SIX1: variants seen among roughly 807,000 people sequenced by gnomAD.
SIX1 encodes homeobox protein SIX1.
In SIX1, 11 loss-of-function variants were observed where a neutral mutation model predicts 26.5. That is an observed-to-expected ratio of 0.41 (90% CI 0.26 to 0.69). The LOEUF (loss-of-function observed/expected upper bound fraction) is 0.69, where lower values mean the gene tolerates loss of function less well. Ranked by LOEUF, SIX1 falls within the 30% of genes least tolerant of loss-of-function variation. The probability of loss-of-function intolerance (pLI) is 0.28; values close to 1 mark genes in which losing one functional copy is unlikely to be tolerated. For missense variants in SIX1, 333 were observed against 365.9 expected, an observed-to-expected ratio of 0.91 and a Z score of 0.73; for synonymous variants, 177 against 166.2, an observed-to-expected ratio of 1.06 and a Z score of -0.50.
In SIX1 at chr14:60,649,235, A is replaced by G. The variant is rs1415843629; in HGVS notation, c.-46T>C. 3 of 1,569,428 alleles carry G rather than the reference A, an allele frequency of 1.9e-6. No homozygotes were observed. The African/African-American group carries it at 4.1e-5, about 21-fold the overall frequency. On this transcript the variant is annotated 5_prime_UTR_variant, in exon 1 of 2. Transcript: ENST00000645694. The surrounding 1 kb of genome is among the most constrained non-coding windows in gnomAD (Gnocchi z 5.1). Reference sequence around the variant, plus strand: ...CACGGCCCAGGCGCACGCGGCAGGGAGCAGAGCCGAGAGGCAGGGGGCGGC... The same window carrying G: ...CACGGCCCAGGCGCACGCGGCAGGGGGCAGAGCCGAGAGGCAGGGGGCGGC...
Position 60,648,768 on chromosome 14 carries a change from T to C in SIX1, c.422A>G (p.Glu141Gly), listed in dbSNP as rs776744679. ...FKEKSRGVLR[E>G]WYAHNPYPSP... ...TGGGTAGGGATTGTGCGCGTACCACTCCCGCAGGACACCCCTCGACTTCTC... is the reference window on the plus strand; with the variant it reads ...TGGGTAGGGATTGTGCGCGTACCACCCCCGCAGGACACCCCTCGACTTCTC... Residue 141 changes from glutamate (E) to glycine (G), a missense_variant, in exon 1 of 2, where the codon GAG becomes GGG. Coordinates refer to ENST00000645694, the MANE Select transcript of SIX1 (RefSeq NM_005982.4). The surrounding 1 kb of genome is among the most constrained non-coding windows in gnomAD (Gnocchi z 7.9). 7 of 1,613,988 alleles carry C rather than the reference T, an allele frequency of 4.3e-6. No individual in the cohort carries two copies. The Admixed American group carries it at 1.2e-4, about 27-fold the overall frequency.
In SIX1 at chr14:60,643,909, G is replaced by A. The variant is rs7156375; in HGVS notation, c.*2374C>T. On this transcript the variant is annotated 3_prime_UTR_variant, in exon 2 of 2. Coordinates refer to ENST00000645694, the MANE Select transcript of SIX1 (RefSeq NM_005982.4). Reference sequence around the variant, plus strand: ...GCAGTAATCACGGGGGCTTTTACAGGACCAGCGCTCTTGCTCCTCGCCGGA... The same window carrying A: ...GCAGTAATCACGGGGGCTTTTACAGAACCAGCGCTCTTGCTCCTCGCCGGA... 126,448 of 151,960 alleles carry A rather than the reference G, an allele frequency of 0.83. 53,683 individuals are homozygous for A. Among genetic ancestry groups the A allele is most frequent in the Non-Finnish European group, 0.91 (61,808 of 67,946 alleles). 9.4% of individuals were successfully genotyped at this position (151,960 alleles called of 1,614,324 possible). A position where few individuals can be genotyped will look rare whatever the true frequency, so the allele number is the denominator to read the frequency against.
Position 60,646,441 on chromosome 14 carries a change from G to T in SIX1, c.697C>A (p.Leu233Met), listed in dbSNP as rs781362403. 8 of 1,614,074 alleles carry T rather than the reference G, an allele frequency of 5.0e-6. No homozygotes were observed. The Admixed American group carries it at 1.3e-4, about 27-fold the overall frequency. ...GCGTGGCCCATATTGCCCTGCAGCA[G>T]AAGGACCGAGTTCTGGTCTGGACTT... ...PQSPDQNSVL[L>M]LQGNMGHARS... The change falls in exon 2 of 2, where the codon CTG becomes ATG. Residue 233 changes from leucine (L) to methionine (M), a missense_variant. Leu to Met is a conservative substitution (Grantham distance 15). This residue lies in a region of SIX1 where 199 missense variants were observed against 215.2 expected (regional missense o/e 0.92). Transcript: ENST00000645694.
chr14:60,644,769 A>T lies in SIX1; in HGVS notation c.*1514T>A, dbSNP rs1894911681. 1 of 152,226 alleles carries T rather than the reference A, an allele frequency of 6.6e-6. No homozygotes were observed. Among genetic ancestry groups the T allele is most frequent in the Non-Finnish European group, 1.5e-5 (1 of 68,038 alleles). The allele number at this position is 152,226 out of a possible 1,614,324, so 9.4% of individuals were successfully genotyped here. Reference sequence around the variant, plus strand: ...TAATTTTAAAAGCTAAATACAGAAGATACATCATTTTGCCCCAGGCAAAAA... The same window carrying T: ...TAATTTTAAAAGCTAAATACAGAAGTTACATCATTTTGCCCCAGGCAAAAA... On this transcript the variant is annotated 3_prime_UTR_variant, in exon 2 of 2. Transcript: ENST00000645694.
At chr14:60,646,607 T>TAAAAAAAAAAAAAAAAAAAAAAATAGTA in intron 1 of SIX1, 30 bp from the exon 2 acceptor site, 1 of 831,216 alleles carries the variant, frequency 1.2e-6, no homozygotes, top group Admixed American at 3.8e-5. Flanking sequence ...ACCATATGGT[T>TAAAAAAAAAAAAAAAAAAAAAAATAGTA]AAAAAAAAAA....
Position 60,646,561 on chromosome 14 carries a change from T to C in SIX1, c.577A>G (p.Asn193Asp), listed in dbSNP as rs574181095. 11 of 1,607,746 alleles carry C rather than the reference T, an allele frequency of 6.8e-6. No homozygotes were observed. Among genetic ancestry groups the C allele is most frequent in the Non-Finnish European group, 9.3e-6 (11 of 1,179,506 alleles). Residue 193 changes from asparagine to aspartate, a missense_variant, in exon 2 of 2, where the codon AAT (asparagine) becomes GAT (aspartate). Physicochemically the swap from Asn to Asp is conservative, Grantham distance 23. Transcript: ENST00000645694. ...TTCTGCTTGTTGGAGGAGGAGTTAT[T>C]GTTTTCGGTGTTCTCCCTAAGAAAT... ...EAKERENTENNNSSSNKQNQL... is the reference protein window; with the variant it reads ...EAKERENTENDNSSSNKQNQL...
Position 60,646,501 on chromosome 14 carries a change from T to G in SIX1, c.637A>C (p.Met213Leu), listed in dbSNP as rs1277192666. The G allele has an allele frequency of 6.2e-7, 1 of 1,613,166 alleles. No homozygotes were observed. The highest frequency in any genetic ancestry group is 1.3e-5 in the African/African-American group (1 of 74,674). ...LSPLEGGKPL[M>L]SSSEEEFSPP... ...GAGAATTCCTCTTCTGAGCTGGACA[T>G]GAGCGGCTTGCCCCCTTCCAGAGGA... Residue 213 changes from methionine to leucine, a missense_variant, in exon 2 of 2, where the codon ATG becomes CTG. This residue lies in a region of SIX1 where 199 missense variants were observed against 215.2 expected (regional missense o/e 0.92). Transcript: ENST00000645694.
Position 60,649,285 on chromosome 14 carries a change from G to T in SIX1, c.-96C>A, listed in dbSNP as rs893062393. On this transcript the variant is annotated 5_prime_UTR_variant, in exon 1 of 2. Coordinates refer to ENST00000645694, the MANE Select transcript of SIX1 (RefSeq NM_005982.4). This position sits in a 1 kb window ranked among gnomAD's most constrained non-coding sequence, Gnocchi z 5.1. The stretch of plus-strand genomic sequence containing the variant: ...CGGCCGCAGGGAGGGGGGCGCGGCT[G>T]TTCCTAACCTCCTCCTTAGGCTTTG... 9.2e-7 allele frequency: 1 copy of T among 1,091,532 alleles called. No homozygotes were observed. The highest frequency in any genetic ancestry group is 2.3e-5 in the Admixed American group (1 of 43,556). 67.6% of individuals were successfully genotyped at this position (1,091,532 alleles called of 1,614,324 possible). A position where few individuals can be genotyped will look rare whatever the true frequency, so the allele number is the denominator to read the frequency against.
rs1894970794 is a variant in SIX1 at position 60,647,521 on chromosome 14, G to C, written c.561-944C>G. Among the ~76,000 whole-genome samples, 1 of 152,164 alleles carries C rather than the reference G, an allele frequency of 6.6e-6. No individual in the cohort carries two copies. Among genetic ancestry groups the C allele is most frequent in the Non-Finnish European group, 1.5e-5 (1 of 68,024 alleles). On this transcript the variant is annotated intron_variant, in intron 1 of 1. Coordinates refer to ENST00000645694, the MANE Select transcript of SIX1 (RefSeq NM_005982.4). This position sits in a 1 kb window ranked among gnomAD's most constrained non-coding sequence, Gnocchi z 5.1. ...TGCTCGTCAGTCCTCCCGACTCCTA[G>C]CGCCTGTCTGTCTCCTTTCTTTCCC...
At position 60,649,374 on chromosome 14, in the gene SIX1, A is replaced by C. The variant is rs745791461; in HGVS notation, c.-185T>G. 2.8e-5 allele frequency: 17 copies of C among 602,942 alleles called. No individual in the cohort carries two copies. The highest frequency in any genetic ancestry group is 5.0e-5 in the Non-Finnish European group (17 of 341,540). The allele number at this position is 602,942 out of a possible 1,614,324, so 37.3% of individuals were successfully genotyped here. On this transcript the variant is annotated 5_prime_UTR_variant, in exon 1 of 2. Transcript: ENST00000645694. This position sits in a 1 kb window ranked among gnomAD's most constrained non-coding sequence, Gnocchi z 5.1. ...GCCAAGGAAGAGAAGGCGGAGGAGT[A>C]GGGGAGGTTCTGGACACGGAACGGC...
At position 60,649,254 on chromosome 14, in the gene SIX1, G is replaced by A; in HGVS notation, c.-65C>T. On this transcript the variant is annotated 5_prime_UTR_variant, in exon 1 of 2. Coordinates refer to ENST00000645694, the MANE Select transcript of SIX1 (RefSeq NM_005982.4). The surrounding 1 kb of genome is among the most constrained non-coding windows in gnomAD (Gnocchi z 5.1). ...GCAGGGAGCAGAGCCGAGAGGCAGGGGGCGGCGGCCGCAGGGAGGGGGGCG... is the reference window on the plus strand; with the variant it reads ...GCAGGGAGCAGAGCCGAGAGGCAGGAGGCGGCGGCCGCAGGGAGGGGGGCG... 3 of 1,490,876 alleles carry A rather than the reference G, an allele frequency of 2.0e-6. No individual in the cohort carries two copies. Among genetic ancestry groups the A allele is most frequent in the East Asian group, 2.3e-5 (1 of 43,490 alleles). The allele number at this position is 1,490,876 out of a possible 1,614,324, so 92.4% of individuals were successfully genotyped here.
rs1594672148 is a variant in SIX1, at chr14:60,647,060, C to T, written c.561-483G>A. Reference sequence around the variant, plus strand: ...TGAATCAAGTCCATTGCCTTGTTCGCATATGAGGAGACAATTAAACATCCC... The same window carrying T: ...TGAATCAAGTCCATTGCCTTGTTCGTATATGAGGAGACAATTAAACATCCC... On this transcript the variant is annotated intron_variant, in intron 1 of 1. Coordinates refer to ENST00000645694, the MANE Select transcript of SIX1 (RefSeq NM_005982.4). This position sits in a 1 kb window ranked among gnomAD's most constrained non-coding sequence, Gnocchi z 5.1. Among the ~76,000 whole-genome samples the T allele has an allele frequency of 1.3e-5, 2 of 152,256 alleles. No homozygotes were observed. The highest frequency in any genetic ancestry group is 3.9e-4 in the East Asian group (2 of 5,178).
At position 60,646,291 on chromosome 14, in the gene SIX1, C is replaced by T. The variant is rs1043747885; in HGVS notation, c.847G>A (p.Gly283Arg). The change falls in exon 2 of 2, where the codon GGG becomes AGG. Residue 283 changes from glycine to arginine, a missense_variant. Gly to Arg is a moderately radical substitution (Grantham distance 125). Around this residue, in one of 3 missense-constraint regions of SIX1, gnomAD observed 199 missense variants for 215.2 expected, o/e 0.92. Transcript: ENST00000645694. ...GPLTSSLVDL[G>R]S The stretch of plus-strand genomic sequence containing the variant: ...CCCCAGTCCCTCCCCACTTAGGACC[C>T]CAAGTCCACCAGACTGGAGGTGAGG... 4 of 1,612,296 alleles carry T rather than the reference C, an allele frequency of 2.5e-6. No individual in the cohort carries two copies. Among genetic ancestry groups the T allele is most frequent in the Non-Finnish European group, 3.4e-6 (4 of 1,179,268 alleles).
In SIX1 at chr14:60,645,873, T is replaced by C. The variant is rs1370274370; in HGVS notation, c.*410A>G. 1 of 155,256 alleles carries C rather than the reference T, an allele frequency of 6.4e-6. No homozygotes were observed. Among genetic ancestry groups the C allele is most frequent in the African/African-American group, 2.4e-5 (1 of 41,498 alleles). The allele number at this position is 155,256 out of a possible 1,614,324, so 9.6% of individuals were successfully genotyped here. On this transcript the variant is annotated 3_prime_UTR_variant, in exon 2 of 2. Transcript: ENST00000645694. This position sits in a 1 kb window ranked among gnomAD's most constrained non-coding sequence, Gnocchi z 4.6. ...TCCATTTCCTTTCCCTCTTCACATT[T>C]CTCCATATATAAATTAAAAGGAAAT...
rs771392443 is a variant in SIX1 at position 60,646,279 on chromosome 14, C to G, written c.*4G>C. On this transcript the variant is annotated 3_prime_UTR_variant, in exon 2 of 2. Coordinates refer to ENST00000645694, the MANE Select transcript of SIX1 (RefSeq NM_005982.4). ...ATCCCTTCGAGGCCCCAGTCCCTCC[C>G]CACTTAGGACCCCAAGTCCACCAGA... The G allele has an allele frequency of 2.5e-6, 4 of 1,611,498 alleles. No individual in the cohort carries two copies. In the South Asian group the frequency reaches 4.4e-5, roughly 18 times the overall value.
chr14:60,648,599 T>G lies in SIX1; in HGVS notation c.560+31A>C. Reference sequence around the variant, plus strand: ...GAGGAGAAAGGACGGCTTCCTAGGGTCGCCCGAGTCGCGGGAAGCACGCCG... The same window carrying G: ...GAGGAGAAAGGACGGCTTCCTAGGGGCGCCCGAGTCGCGGGAAGCACGCCG... On this transcript the variant is annotated intron_variant, in intron 1 of 1. Transcript: ENST00000645694. The surrounding 1 kb of genome is among the most constrained non-coding windows in gnomAD (Gnocchi z 7.9). 2 of 1,582,436 alleles carry G rather than the reference T, an allele frequency of 1.3e-6. No individual in the cohort carries two copies. Among genetic ancestry groups the G allele is most frequent in the East Asian group, 2.3e-5 (1 of 42,998 alleles).
rs761639693 is a variant in SIX1 at position 60,649,204 on chromosome 14, G to A, written c.-15C>T. On this transcript the variant is annotated 5_prime_UTR_variant, in exon 1 of 2. Transcript: ENST00000645694. The surrounding 1 kb of genome is among the most constrained non-coding windows in gnomAD (Gnocchi z 5.1). ...AGCATCGACATGGCTGGGGCCTGCC[G>A]GGGCGCACGGCCCAGGCGCACGCGG... is the stretch of plus-strand genomic sequence containing the variant. 7 of 1,602,474 alleles carry A rather than the reference G, an allele frequency of 4.4e-6. No homozygotes were observed. In the Admixed American group the frequency reaches 5.0e-5, roughly 11 times the overall value.
intron 1 of SIX1, 63 bp from the exon 2 acceptor site, chr14:60,646,640 A>C: frequency 7.1e-7 from 1 of 1,416,564 alleles, no homozygotes; most frequent in Non-Finnish European, 9.6e-7. Context: ...AGTAGGTTAA[A>C]AAAAAAGTGT....
chr14:60,645,248 T>G lies in SIX1; in HGVS notation c.*1035A>C, dbSNP rs1440902479. On this transcript the variant is annotated 3_prime_UTR_variant, in exon 2 of 2. Transcript: ENST00000645694. The surrounding 1 kb of genome is among the most constrained non-coding windows in gnomAD (Gnocchi z 4.6). ...AATGACAGCAATACACCACTCACCT[T>G]TCAGAAACAGAATCATACTCCTGGT... The G allele has an allele frequency of 2.0e-5, 3 of 152,050 alleles. No homozygotes were observed. The highest frequency in any genetic ancestry group is 1.3e-4 in the Admixed American group (2 of 15,274). 9.4% of individuals were successfully genotyped at this position (152,050 alleles called of 1,614,324 possible). A position where few individuals can be genotyped will look rare whatever the true frequency, so the allele number is the denominator to read the frequency against.
Sources: allele counts gnomAD v4.1 joint callset (sites outside exome capture counted in the v4.1 genomes callset), GRCh38; gene constraint gnomAD v4.1.1; regional missense constraint gnomAD v4.1.1; non-coding constraint Gnocchi (gnomAD v3.1); transcripts MANE v1.5; gene names NCBI Gene and HGNC (gene_info 2026-07-23, HGNC 2026-07-21).